The following VTI1A variants were observed in gnomAD, a reference collection of about 807,000 sequenced individuals.
VTI1A encodes vesicle transport through interaction with t-SNAREs homolog 1A.
In VTI1A, 22 loss-of-function variants were observed where a neutral mutation model predicts 34.9. That is an observed-to-expected ratio of 0.63 (90% CI 0.45 to 0.90). VTI1A has a LOEUF of 0.90. Ranked by LOEUF, VTI1A falls within the 40% of genes least tolerant of loss-of-function variation. The pLI is 0.00. For synonymous variants in VTI1A, 87 were observed against 97.3 expected, an observed-to-expected ratio of 0.89 and a Z score of 0.62; for missense variants, 268 against 275.6, an observed-to-expected ratio of 0.97 and a Z score of 0.20.
At chr10:112,611,962 T>C (rs538928732) in intron 5 of VTI1A, among the ~76,000 whole-genome samples, 1 of 151,930 alleles carries the variant, frequency 6.6e-6, no homozygotes, top group South Asian at 2.1e-4. Context: ...AGGATGGTCT[T>C]GATCTCCTGA....
At chr10:112,625,448 G>C (rs1258390793) in intron 5 of VTI1A, among the ~76,000 whole-genome samples, 1 of 152,030 alleles carries the variant, frequency 6.6e-6, no homozygotes, top group Non-Finnish European at 1.5e-5. Flanking sequence ...AAACCAGCCT[G>C]GCCAACATGG....
chr10:112,567,423 AT>A (rs1230869320), intron 5 of VTI1A, among the ~76,000 whole-genome samples: 1 of 152,200 alleles, frequency 6.6e-6, no homozygotes, highest in Non-Finnish European at 1.5e-5. Context: ...TAATGTGAAA[AT>A]TTATTATTGC....
chr10:112,785,954 A>G (rs1852275493), intron 7 of VTI1A, among the ~76,000 whole-genome samples: 1 of 152,058 alleles, frequency 6.6e-6, no homozygotes, highest in Non-Finnish European at 1.5e-5. Flanking sequence ...TTCTAGTTCT[A>G]GTTGTTTCAT....
chr10:112,594,845 A>G (rs897793932), intron 5 of VTI1A, among the ~76,000 whole-genome samples: 1 of 151,966 alleles, frequency 6.6e-6, no homozygotes, highest in Non-Finnish European at 1.5e-5. Context: ...AAGAACCCGC[A>G]TCGCCAAGTC....
chr10:112,473,406 G>A (rs778615700), intron 3 of VTI1A, among the ~76,000 whole-genome samples: 8 of 151,844 alleles, frequency 5.3e-5, no homozygotes, highest in East Asian at 1.9e-4. Context: ...CACTGCGCCC[G>A]TCCCACATTT....
At chr10:112,712,696 C>G (rs529009050) in intron 7 of VTI1A, among the ~76,000 whole-genome samples, 2 of 152,224 alleles carry the variant, frequency 1.3e-5, no homozygotes, top group East Asian at 3.9e-4. Context: ...ACTTGCCCAC[C>G]CTGATTTTCC....
chr10:112,649,564 A>C (rs1393105964), intron 5 of VTI1A, among the ~76,000 whole-genome samples: 1 of 152,214 alleles, frequency 6.6e-6, no homozygotes, highest in Non-Finnish European at 1.5e-5. Context: ...GTCTCTGTAA[A>C]TTCAAGTATG....
chr10:112,646,270 A>G (rs1188553980), intron 5 of VTI1A, among the ~76,000 whole-genome samples: 2 of 152,196 alleles, frequency 1.3e-5, no homozygotes, highest in Non-Finnish European at 2.9e-5. Flanking sequence ...AAAAAATAAA[A>G]TAAAACTAGG....
intron 7 of VTI1A, among the ~76,000 whole-genome samples, chr10:112,758,582 G>C (rs558490515): frequency 2.0e-5 from 3 of 152,340 alleles, no homozygotes; most frequent in Admixed American, 6.5e-5. Flanking sequence ...AGCCACAAAG[G>C]CTGGCACTCG....
chr10:112,733,787 C>T (rs934297922), intron 7 of VTI1A, among the ~76,000 whole-genome samples: 1 of 128,900 alleles, frequency 7.8e-6, no homozygotes, highest in Non-Finnish European at 1.5e-5. Context: ...GAGAGTTTTA[C>T]ACTTGTTGCC....
At chr10:112,790,784 A>C (rs1327228453) in intron 7 of VTI1A, among the ~76,000 whole-genome samples, 1 of 144,138 alleles carries the variant, frequency 6.9e-6, no homozygotes, top group African/African-American at 2.6e-5. Context: ...TTTTTGGTGC[A>C]TTCTCCAGTT....
At chr10:112,648,682 C>G (rs1027789942) in intron 5 of VTI1A, among the ~76,000 whole-genome samples, 2 of 152,188 alleles carry the variant, frequency 1.3e-5, no homozygotes, top group African/African-American at 4.8e-5. Context: ...CTTAGACATT[C>G]TTTCTACTCA....
rs568578616 is a variant in VTI1A, at chr10:112,697,283, T to C, written c.560+28285T>C. On this transcript the variant is annotated intron_variant, in intron 7 of 7. Transcript: ENST00000393077. ...GTCTCGGCACTCTGCAACCTCCGCC[T>C]CCCGGGTTCAAGTGATTGTCTTGCC... Among the ~76,000 whole-genome samples, 8 of 151,472 alleles carry C rather than the reference T, an allele frequency of 5.3e-5. No individual in the cohort carries two copies. In the East Asian group the frequency reaches 1.4e-3, roughly 26 times the overall value.
At chr10:112,832,805 C>T in the VTI1A span, among the ~76,000 whole-genome samples, 2 of 152,214 alleles carry the variant, frequency 1.3e-5, no homozygotes, top group Non-Finnish European at 2.9e-5. Context: ...AGAGGCTCCT[C>T]TGTGGGCCTG....
intron 7 of VTI1A, among the ~76,000 whole-genome samples, chr10:112,713,387 G>A (rs532882214): frequency 6.6e-6 from 1 of 152,064 alleles, no homozygotes; most frequent in Non-Finnish European, 1.5e-5. Flanking sequence ...TATTTTAAGG[G>A]TACTTAAATG....
At chr10:112,578,212 C>T (rs7899005) in intron 5 of VTI1A, among the ~76,000 whole-genome samples, 4 of 151,916 alleles carry the variant, frequency 2.6e-5, no homozygotes, top group Non-Finnish European at 5.9e-5. Flanking sequence ...AACTGAGGCT[C>T]GAATTAGGGC....
chr10:112,550,028 C>T (rs187106529), intron 5 of VTI1A, among the ~76,000 whole-genome samples: 132 of 152,232 alleles, frequency 8.7e-4, no homozygotes, highest in Non-Finnish European at 9.0e-4. Context: ...AGAACCTTCT[C>T]CTTAGGTAGT....
chr10:112,708,351 A>G (rs1378302432), intron 7 of VTI1A, among the ~76,000 whole-genome samples: 1 of 152,254 alleles, frequency 6.6e-6, no homozygotes, highest in African/African-American at 2.4e-5. Context: ...GCATATTTAT[A>G]TAAACAGGGT....
intron 5 of VTI1A, among the ~76,000 whole-genome samples, chr10:112,562,082 A>C (rs1279537157): frequency 6.6e-6 from 1 of 152,198 alleles, no homozygotes; most frequent in African/African-American, 2.4e-5. Context: ...AAAAAATAAA[A>C]TAAAATAATG....
Sources: gnomAD v4.1 joint callset for allele counts (sites outside exome capture counted in the v4.1 genomes callset) on GRCh38, gnomAD v4.1.1 for gene constraint, MANE v1.5 for transcripts, NCBI Gene and HGNC (gene_info 2026-07-23, HGNC 2026-07-21) for gene names.